The following ATP10A variants were observed in gnomAD, a reference collection of about 807,000 sequenced individuals.
The protein encoded by ATP10A is ATPase phospholipid transporting 10A (putative).
Under a neutral mutation model 147.8 loss-of-function variants are expected in ATP10A, and 111 were observed. The observed-to-expected ratio is 0.75, with a 90% CI of 0.64 to 0.88. The LOEUF (loss-of-function observed/expected upper bound fraction) is 0.88. Among genes scored for constraint, ATP10A ranks in the 40% least tolerant of loss-of-function variants. The pLI, the probability that ATP10A is intolerant of heterozygous loss-of-function variation, is 0.00. For missense variants in ATP10A, 1,927 were observed against 1,959.0 expected, an observed-to-expected ratio of 0.98 and a Z score of 0.31; for synonymous variants, 875 against 841.6, an observed-to-expected ratio of 1.04 and a Z score of -0.69.
intron 2 of ATP10A, among the ~76,000 whole-genome samples, chr15:25,755,970 G>A (rs1888386483): frequency 6.6e-6 from 1 of 152,120 alleles, no homozygotes; most frequent in African/African-American, 2.4e-5. Context: ...GAAAAACATC[G>A]GTTCAACCTT....
At chr15:25,752,773 G>T (rs1222182955) in intron 2 of ATP10A, among the ~76,000 whole-genome samples, 1 of 152,124 alleles carries the variant, frequency 6.6e-6, no homozygotes, top group African/African-American at 2.4e-5. Flanking sequence ...CTAACACTAT[G>T]AAATTTGCCT....
At chr15:25,680,743 T>A in intron 19 of ATP10A, 67 bp downstream of exon 19, 1 of 1,440,216 alleles carries the variant, frequency 6.9e-7, no homozygotes, top group Non-Finnish European at 9.8e-7. Flanking sequence ...CTCATGAATC[T>A]GCAGGGAAGT....
chr15:25,776,214 A>G (rs1889597584), intron 2 of ATP10A, among the ~76,000 whole-genome samples: 1 of 152,222 alleles, frequency 6.6e-6, no homozygotes, highest in African/African-American at 2.4e-5. Flanking sequence ...ACTGCTACCC[A>G]CAGAACATCT....
At chr15:25,852,845 C>T (rs992927961) in intron 1 of ATP10A, among the ~76,000 whole-genome samples, 1 of 152,116 alleles carries the variant, frequency 6.6e-6, no homozygotes, top group African/African-American at 2.4e-5. Flanking sequence ...GGTATATAAC[C>T]CTGCGTACTC....
chr15:25,779,989 T>C (rs948717613), intron 2 of ATP10A, among the ~76,000 whole-genome samples: 2 of 152,090 alleles, frequency 1.3e-5, no homozygotes, highest in Non-Finnish European at 2.9e-5. Context: ...CCTGGCCTGC[T>C]GCAAGTGTGT....
At chr15:25,801,566 A>G (rs188242876) in intron 1 of ATP10A, among the ~76,000 whole-genome samples, 113 of 152,144 alleles carry the variant, frequency 7.4e-4, no homozygotes, top group African/African-American at 2.5e-3. Flanking sequence ...CTCCTGGTCA[A>G]CTCTTGGGCA....
intron 1 of ATP10A, among the ~76,000 whole-genome samples, chr15:25,817,562 A>G (rs1177096957): frequency 3.3e-5 from 5 of 152,268 alleles, no homozygotes; most frequent in Non-Finnish European, 7.3e-5. Context: ...GGGTCTAAAT[A>G]AGATTGATAA....
intron 14 of ATP10A, among the ~76,000 whole-genome samples, chr15:25,694,364 T>C (rs571666184): frequency 1.3e-5 from 2 of 152,362 alleles, no homozygotes; most frequent in Admixed American, 1.3e-4. Context: ...CAGTGGGAAT[T>C]CTGGTCACCA....
Position 25,862,639 on chromosome 15 carries a change from C to T in ATP10A, c.449+9G>A. On this transcript the variant is annotated intron_variant, in intron 1 of 20. Coordinates refer to ENST00000555815, the MANE Select transcript of ATP10A (RefSeq NM_024490.4). ...ACCGCGCGCTCGCTCGCCCGCCCGCCCAACTCACCTGCTGAAGACCAGGCA... is the reference window on the plus strand; with the variant it reads ...ACCGCGCGCTCGCTCGCCCGCCCGCTCAACTCACCTGCTGAAGACCAGGCA... 1 of 1,555,410 alleles carries T rather than the reference C, an allele frequency of 6.4e-7. No homozygotes were observed. The highest frequency in any genetic ancestry group is 8.7e-7 in the Non-Finnish European group (1 of 1,150,194).
chr15:25,690,801 T>C (rs1349705460), intron 15 of ATP10A, among the ~76,000 whole-genome samples: 1 of 152,180 alleles, frequency 6.6e-6, no homozygotes, highest in African/African-American at 2.4e-5. Flanking sequence ...ATGAACACCA[T>C]TTTCAATTTT....
chr15:25,853,080 G>T (rs895535435), intron 1 of ATP10A, among the ~76,000 whole-genome samples: 5 of 152,178 alleles, frequency 3.3e-5, no homozygotes, highest in Non-Finnish European at 7.3e-5. Context: ...TAGTTTGGTA[G>T]GCAAAATGTT....
At chr15:25,713,634 T>G (rs1901573486) in intron 10 of ATP10A, 40 bp downstream of exon 10, 1 of 1,584,524 alleles carries the variant, frequency 6.3e-7, no homozygotes, top group African/African-American at 1.4e-5. Flanking sequence ...CAGGACCTCC[T>G]CCCCCGAGCT....
chr15:25,739,353 C>T (rs1006853270), intron 2 of ATP10A, among the ~76,000 whole-genome samples: 3 of 152,210 alleles, frequency 2.0e-5, no homozygotes, highest in Non-Finnish European at 4.4e-5. Context: ...TTCAGCAATG[C>T]CTGTGGATGT....
chr15:25,701,382 C>A (rs899328965), intron 13 of ATP10A, among the ~76,000 whole-genome samples: 18 of 152,262 alleles, frequency 1.2e-4, no homozygotes, highest in African/African-American at 3.9e-4. Context: ...TGGGGAGGAG[C>A]AGATCAGCCA....
chr15:25,799,639 T>G (rs1362442355), intron 1 of ATP10A, among the ~76,000 whole-genome samples: 1 of 151,974 alleles, frequency 6.6e-6, no homozygotes, highest in African/African-American at 2.4e-5. Context: ...GAGGCTGAGG[T>G]GGAGGATCGC....
chr15:25,707,278 A>T lies in ATP10A; in HGVS notation c.2575+698T>A, dbSNP rs1186057759. Among the ~76,000 whole-genome samples, 4 of 152,140 alleles carry T rather than the reference A, an allele frequency of 2.6e-5. No homozygotes were observed. In the East Asian group the frequency reaches 7.7e-4, roughly 29 times the overall value. ...CGCCTTTTTGTGTTAAGTGAAGATG[A>T]CCTGCCCAGGGCTTTGTGCTCGAGA... On this transcript the variant is annotated intron_variant, in intron 12 of 20. Coordinates refer to ENST00000555815, the MANE Select transcript of ATP10A (RefSeq NM_024490.4).
chr15:25,748,522 C>T (rs1464347733), intron 2 of ATP10A, among the ~76,000 whole-genome samples: 3 of 151,988 alleles, frequency 2.0e-5, no homozygotes, highest in Non-Finnish European at 4.4e-5. Flanking sequence ...CACCAATATC[C>T]TAATAAAATA....
chr15:25,798,292 T>C (rs919096159), intron 1 of ATP10A, among the ~76,000 whole-genome samples: 2 of 152,156 alleles, frequency 1.3e-5, no homozygotes, highest in African/African-American at 2.4e-5. Context: ...CGCTTCATGC[T>C]ATAAGGTCTG....
At chr15:25,714,525 C>T (rs1302823947) in intron 9 of ATP10A, among the ~76,000 whole-genome samples, 7 of 152,078 alleles carry the variant, frequency 4.6e-5, no homozygotes, top group African/African-American at 1.7e-4. Context: ...AGTACTCCTT[C>T]CTTGAGATCG....
Sources: gnomAD v4.1 joint callset for allele counts (sites outside exome capture counted in the v4.1 genomes callset) on GRCh38, gnomAD v4.1.1 for gene constraint, MANE v1.5 for transcripts, NCBI Gene and HGNC (gene_info 2026-07-23, HGNC 2026-07-21) for gene names.